The following PCDHA3 variants were observed in gnomAD, a reference collection of about 807,000 sequenced individuals.
PCDHA3 encodes the protein protocadherin alpha-3.
In PCDHA3, 41 loss-of-function variants were observed where a neutral mutation model predicts 62.2. The ratio of observed to expected loss-of-function variants is 0.66; its 90% confidence interval spans 0.51 to 0.86. PCDHA3 has a LOEUF of 0.86. Ranked by LOEUF, PCDHA3 falls within the 40% of genes least tolerant of loss-of-function variation. PCDHA3 has a pLI of 0.00. For missense variants in PCDHA3, 1,304 were observed against 1,241.2 expected, an observed-to-expected ratio of 1.05 and a Z score of -0.76; for synonymous variants, 640 against 555.4, an observed-to-expected ratio of 1.15 and a Z score of -2.14.
At chr5:140,969,230 G>A (rs1554231609) in intron 1 of PCDHA3, 1 of 1,614,154 alleles carries the variant, frequency 6.2e-7, no homozygotes, top group South Asian at 1.1e-5. Flanking sequence ...GCCTTCGGGA[G>A]CCCAAGCAGC....
At chr5:140,907,144 G>A (rs1006725502) in intron 1 of PCDHA3, among the ~76,000 whole-genome samples, 17 of 152,104 alleles carry the variant, frequency 1.1e-4, no homozygotes, top group Non-Finnish European at 2.4e-4. Flanking sequence ...CCGGCTATGG[G>A]AGAAACAGTA....
intron 3 of PCDHA3, among the ~76,000 whole-genome samples, chr5:140,999,659 G>A (rs1208907437): frequency 6.6e-6 from 1 of 152,162 alleles, no homozygotes; most frequent in African/African-American, 2.4e-5. Context: ...GAGCCCTGCT[G>A]GGTTGCGGGG....
At chr5:140,858,468 G>T in intron 1 of PCDHA3, 1 of 1,521,202 alleles carries the variant, frequency 6.6e-7, no homozygotes, top group Non-Finnish European at 8.9e-7. Context: ...TTCCTTTTGT[G>T]CTTTATGAAT....
intron 1 of PCDHA3, among the ~76,000 whole-genome samples, chr5:140,919,232 T>G (rs1178591658): frequency 3.9e-5 from 6 of 152,246 alleles, no homozygotes; most frequent in African/African-American, 1.4e-4. Flanking sequence ...CTAGTAACAC[T>G]TTTTGTCTTG....
chr5:140,935,996 G>A (rs145363850), intron 1 of PCDHA3, among the ~76,000 whole-genome samples: 2 of 150,844 alleles, frequency 1.3e-5, no homozygotes, highest in African/African-American at 4.9e-5. Context: ...GGGTTCAAGC[G>A]ATTCTCCCAC....
chr5:140,853,239 A>G (rs2150529987), intron 1 of PCDHA3: 14 of 978,474 alleles, frequency 1.4e-5, no homozygotes, highest in Middle Eastern at 5.3e-4. Flanking sequence ...AGTCCTTCAT[A>G]TTAATCTCTA....
In PCDHA3 at chr5:140,885,617, T is replaced by C. The variant is rs182455292; in HGVS notation, c.2394+82026T>C. Among the ~76,000 whole-genome samples, 20 of 152,288 alleles carry C rather than the reference T, an allele frequency of 1.3e-4. No individual in the cohort carries two copies. The East Asian group carries it at 3.7e-3, about 28-fold the overall frequency. The stretch of plus-strand genomic sequence containing the variant: ...GATATTAATAATTTTAATTATAAAA[T>C]ATGTCACTGGATTGCCTTCCAAGTA... On this transcript the variant is annotated intron_variant, in intron 1 of 3. Coordinates refer to ENST00000522353, the MANE Select transcript of PCDHA3 (RefSeq NM_018906.3).
intron 3 of PCDHA3, among the ~76,000 whole-genome samples, chr5:140,999,721 G>T (rs2097872214): frequency 6.6e-6 from 1 of 152,150 alleles, no homozygotes; most frequent in South Asian, 2.1e-4. Flanking sequence ...ACGGAGACCA[G>T]CCATTCCAAT....
chr5:140,925,498 A>G (rs1268906717), intron 1 of PCDHA3, among the ~76,000 whole-genome samples: 1 of 152,124 alleles, frequency 6.6e-6, no homozygotes, highest in East Asian at 1.9e-4. Flanking sequence ...CACTGTCCCA[A>G]TATCCACGCA....
intron 1 of PCDHA3, chr5:140,967,005 A>G: frequency 1.2e-6 from 2 of 1,605,512 alleles, no homozygotes; most frequent in African/African-American, 1.3e-5. Flanking sequence ...TTGCGCATCA[A>G]CCATCTGGGT....
intron 1 of PCDHA3, among the ~76,000 whole-genome samples, chr5:140,826,710 A>T (rs1769024530): frequency 6.6e-6 from 1 of 152,218 alleles, no homozygotes. Flanking sequence ...GGTGGTATTG[A>T]GAAAGAGGAA....
At chr5:140,805,683 G>T in intron 1 of PCDHA3, 1 of 781,174 alleles carries the variant, frequency 1.3e-6, no homozygotes, top group Non-Finnish European at 1.6e-6. Flanking sequence ...ATGATTCAAA[G>T]ATCATGATTA....
intron 1 of PCDHA3, among the ~76,000 whole-genome samples, chr5:140,897,588 T>C (rs1554187466): frequency 6.6e-6 from 1 of 152,172 alleles, no homozygotes; most frequent in African/African-American, 2.4e-5. Flanking sequence ...CAGTCTGTCA[T>C]TGTTGGACAT....
intron 1 of PCDHA3, among the ~76,000 whole-genome samples, chr5:140,832,146 T>C (rs1554133466): frequency 6.6e-6 from 1 of 152,254 alleles, no homozygotes; most frequent in African/African-American, 2.4e-5. Flanking sequence ...AAAATTGAAT[T>C]AAGACTTGGA....
intron 1 of PCDHA3, chr5:140,969,402 T>C: frequency 6.3e-7 from 1 of 1,579,638 alleles, no homozygotes; most frequent in Non-Finnish European, 8.6e-7. Flanking sequence ...TCCTGTGATT[T>C]GGCTTTATTG....
Position 140,979,220 on chromosome 5 carries a change from C to T in PCDHA3, c.2453+213C>T, listed in dbSNP as rs552719327. ...TATCAAGTGCTGGCATATAAGAGTC[C>T]TCTGTAAAATCACAGAAACAGGCTG... On this transcript the variant is annotated intron_variant, in intron 2 of 3. Transcript: ENST00000522353. Among the ~76,000 whole-genome samples, 27 of 152,304 alleles carry T rather than the reference C, an allele frequency of 1.8e-4. 1 individual carries two copies. The highest frequency in any genetic ancestry group is 6.3e-4 in the African/African-American group (26 of 41,574).
Position 141,010,304 on chromosome 5 carries a change from A to C in PCDHA3, c.*367A>C. 1.3e-6 allele frequency: 2 copies of C among 1,548,750 alleles called. No homozygotes were observed. Among genetic ancestry groups the C allele is most frequent in the Non-Finnish European group, 8.7e-7 (1 of 1,146,136 alleles). On this transcript the variant is annotated 3_prime_UTR_variant, in exon 4 of 4. Coordinates refer to ENST00000522353, the MANE Select transcript of PCDHA3 (RefSeq NM_018906.3). ...ATGACACTTGCAGGGCAGGCTGAAA[A>C]GTTTTGAGATTGAGCAGCTTGGGAG...
Position 140,809,206 on chromosome 5 carries a change from A to C in PCDHA3, c.2394+5615A>C, listed in dbSNP as rs112533262. The C allele has an allele frequency of 4.9e-4, 783 of 1,614,042 alleles. 5 individuals are homozygous for C. In the African/African-American group the frequency reaches 9.3e-3, roughly 19 times the overall value. On this transcript the variant is annotated intron_variant, in intron 1 of 3. Coordinates refer to ENST00000522353, the MANE Select transcript of PCDHA3 (RefSeq NM_018906.3). ...TGCTGGTGTCACTTGTGGAGAGTGG[A>C]CAGGCGCCAAAGGCCTCCTCACGGG...
chr5:140,849,684 C>A (rs782599904), intron 1 of PCDHA3: 2 of 1,598,734 alleles, frequency 1.3e-6, no homozygotes, highest in Non-Finnish European at 8.6e-7. Flanking sequence ...CCCCTTCAAG[C>A]TGGTGTCCAC....
Sources: gnomAD v4.1 joint callset for allele counts (sites outside exome capture counted in the v4.1 genomes callset) on GRCh38, gnomAD v4.1.1 for gene constraint, MANE v1.5 for transcripts, NCBI Gene and HGNC (gene_info 2026-07-23, HGNC 2026-07-21) for gene names.